The following GPC6 variants were observed in gnomAD, a reference collection of about 807,000 sequenced individuals.
The protein encoded by GPC6 is glypican-6.
In GPC6, 14 loss-of-function variants were observed where a neutral mutation model predicts 55.2. The observed-to-expected ratio is 0.25, with a 90% CI of 0.17 to 0.40. The LOEUF (loss-of-function observed/expected upper bound fraction) is 0.40. GPC6 is among the 10% of genes least tolerant of loss of function. The pLI is 1.00. For synonymous variants in GPC6, 278 were observed against 259.6 expected (o/e 1.07, Z -0.68); for missense variants, 641 against 708.5 (o/e 0.90, Z 1.08).
intron 4 of GPC6, among the ~76,000 whole-genome samples, chr13:94,275,969 T>G (rs1892189583): frequency 6.6e-6 from 1 of 152,202 alleles, no homozygotes; most frequent in Non-Finnish European, 1.5e-5. Context: ...GATATTGTCA[T>G]GTATTGCTGG....
intron 1 of GPC6, among the ~76,000 whole-genome samples, chr13:93,483,726 G>A (rs1456175500): frequency 6.6e-6 from 1 of 152,020 alleles, no homozygotes; most frequent in Non-Finnish European, 1.5e-5. Flanking sequence ...TTAATCATTC[G>A]GCAATAAGAA....
At chr13:93,355,383 G>A (rs1392611514) in intron 1 of GPC6, among the ~76,000 whole-genome samples, 3 of 152,288 alleles carry the variant, frequency 2.0e-5, no homozygotes, top group Middle Eastern at 6.8e-3. Context: ...CAAAAAGAGG[G>A]CAGCTGTATT....
intron 4 of GPC6, among the ~76,000 whole-genome samples, chr13:94,223,240 G>A (rs1890441769): frequency 6.6e-6 from 1 of 152,058 alleles, no homozygotes; most frequent in African/African-American, 2.4e-5. Flanking sequence ...TAAATTGAAA[G>A]GATATCCTGT....
chr13:93,941,518 T>C (rs2140363446), intron 3 of GPC6, among the ~76,000 whole-genome samples: 1 of 152,322 alleles, frequency 6.6e-6, no homozygotes, highest in Admixed American at 6.5e-5. Context: ...TACGTACTGC[T>C]CCCAAGATAA....
At chr13:93,965,207 T>C (rs1159273455) in intron 3 of GPC6, among the ~76,000 whole-genome samples, 2 of 146,718 alleles carry the variant, frequency 1.4e-5, no homozygotes, top group African/African-American at 5.1e-5. Flanking sequence ...GTCAGGAGAT[T>C]GAGACCATCC....
chr13:94,309,205 A>C (rs897445400), intron 6 of GPC6, among the ~76,000 whole-genome samples: 3 of 152,238 alleles, frequency 2.0e-5, no homozygotes, highest in African/African-American at 4.8e-5. Context: ...TCCAAGGACG[A>C]TATCAAAACA....
rs778081650 is a variant in GPC6 at position 94,027,816 on chromosome 13, A to G, written c.799A>G (p.Asn267Asp). 1.9e-6 allele frequency: 3 copies of G among 1,613,958 alleles called. No homozygotes were observed. In the South Asian group the frequency reaches 3.3e-5, roughly 18 times the overall value. ...GGGGCTTCCCACTGTGAGGCCCTGC[A>G]ACAACTACTGTCTCAACGTCATGAA... Reference protein sequence around the residue: ...CRGLPTVRPCNNYCLNVMKGC... With the variant: ...CRGLPTVRPCDNYCLNVMKGC... Residue 267 changes from asparagine (N) to aspartate (D), a missense_variant, in exon 4 of 9, where the codon AAC becomes GAC. Asn to Asp is a conservative substitution (Grantham distance 23, BLOSUM62 1). Transcript: ENST00000377047.
At chr13:94,385,715 C>T (rs979890708) in intron 7 of GPC6, among the ~76,000 whole-genome samples, 1 of 151,952 alleles carries the variant, frequency 6.6e-6, no homozygotes, top group Non-Finnish European at 1.5e-5. Flanking sequence ...CCAATAAAGA[C>T]TTGCTGAATT....
intron 4 of GPC6, among the ~76,000 whole-genome samples, chr13:94,159,325 A>G (rs778988620): frequency 1.8e-4 from 28 of 152,204 alleles, no homozygotes; most frequent in Non-Finnish European, 3.4e-4. Flanking sequence ...ATGAAGACAT[A>G]TCTAAGACTG....
At chr13:93,564,973 A>AAGTTTAAAAACCT (rs1876017101) in intron 2 of GPC6, among the ~76,000 whole-genome samples, 1 of 152,220 alleles carries the variant, frequency 6.6e-6, no homozygotes, top group Non-Finnish European at 1.5e-5. Context: ...CTGAAACCTT[A>AAGTTTAAAAACCT]GATAGTAAAA....
intron 3 of GPC6, among the ~76,000 whole-genome samples, chr13:93,849,622 A>G (rs935640684): frequency 6.6e-6 from 1 of 152,130 alleles, no homozygotes; most frequent in Admixed American, 6.6e-5. Context: ...AAAGATATCT[A>G]TACTGTTTCC....
chr13:93,559,255 A>G (rs537220123), intron 2 of GPC6, among the ~76,000 whole-genome samples: 3 of 152,192 alleles, frequency 2.0e-5, no homozygotes, highest in Admixed American at 1.3e-4. Flanking sequence ...TTTTCTCATG[A>G]TAATATCCTG....
intron 1 of GPC6, among the ~76,000 whole-genome samples, chr13:93,486,413 T>C (rs1020346179): frequency 5.3e-5 from 8 of 152,200 alleles, no homozygotes; most frequent in Admixed American, 4.6e-4. Flanking sequence ...AACTGTGTTT[T>C]TGGAATACTG....
At chr13:93,752,955 C>T (rs180832434) in intron 2 of GPC6, among the ~76,000 whole-genome samples, 11 of 152,314 alleles carry the variant, frequency 7.2e-5, no homozygotes, top group Non-Finnish European at 1.6e-4. Flanking sequence ...ACAGTCTCCC[C>T]TTTACATCCT....
intron 1 of GPC6, among the ~76,000 whole-genome samples, chr13:93,473,492 G>A (rs561924922): frequency 6.6e-6 from 1 of 152,200 alleles, no homozygotes; most frequent in Non-Finnish European, 1.5e-5. Flanking sequence ...CAAGCCTGTG[G>A]GGTCAGGAGG....
rs574007000 is a variant in GPC6, at chr13:93,723,227, G to C, written c.320-106927G>C. Reference sequence around the variant, plus strand: ...AGCTGATATTGCTACAGGTTTTACTGATGAAGATGAGAACATATTTGCAGA... The same window carrying C: ...AGCTGATATTGCTACAGGTTTTACTCATGAAGATGAGAACATATTTGCAGA... On this transcript the variant is annotated intron_variant, in intron 2 of 8. Transcript: ENST00000377047. Among the ~76,000 whole-genome samples the C allele has an allele frequency of 2.0e-5, 3 of 152,032 alleles. No homozygotes were observed. The South Asian group carries it at 6.2e-4, about 32-fold the overall frequency.
At chr13:93,779,963 C>T (rs1030803636) in intron 2 of GPC6, among the ~76,000 whole-genome samples, 1 of 152,118 alleles carries the variant, frequency 6.6e-6, no homozygotes, top group Admixed American at 6.6e-5. Context: ...GAGTTGAGGA[C>T]ATTCTTTTTT....
At chr13:93,535,286 T>C (rs575595368) in intron 1 of GPC6, among the ~76,000 whole-genome samples, 3 of 152,308 alleles carry the variant, frequency 2.0e-5, no homozygotes, top group South Asian at 2.1e-4. Context: ...AATAATTTCA[T>C]TGTTATATCA....
intron 4 of GPC6, among the ~76,000 whole-genome samples, chr13:94,139,776 C>T (rs1887311493): frequency 6.6e-6 from 1 of 152,186 alleles, no homozygotes; most frequent in African/African-American, 2.4e-5. Context: ...GTTCTGCAAA[C>T]ACAGCTTCTA....
Sources: gnomAD v4.1 joint callset for allele counts (sites outside exome capture counted in the v4.1 genomes callset) on GRCh38, gnomAD v4.1.1 for gene constraint, MANE v1.5 for transcripts, NCBI Gene and HGNC (gene_info 2026-07-23, HGNC 2026-07-21) for gene names.